The following SH3RF3 variants were observed in gnomAD, a reference collection of about 807,000 sequenced individuals.
SH3RF3 encodes SH3 domain containing ring finger 3.
In SH3RF3, 29 loss-of-function variants were observed where a neutral mutation model predicts 66.3. The observed-to-expected ratio is 0.44, with a 90% CI of 0.33 to 0.60. The LOEUF is 0.60. SH3RF3 is among the 20% of genes least tolerant of loss of function. The pLI, the probability that SH3RF3 is intolerant of heterozygous loss-of-function variation, is 0.04. For missense variants in SH3RF3, 1,194 were observed against 1,190.9 expected, an observed-to-expected ratio of 1.00 and a Z score of -0.04; for synonymous variants, 583 against 532.0, an observed-to-expected ratio of 1.10 and a Z score of -1.32.
At chr2:109,486,047 T>C (rs1678967206) in intron 8 of SH3RF3, among the ~76,000 whole-genome samples, 1 of 152,242 alleles carries the variant, frequency 6.6e-6, no homozygotes, top group Non-Finnish European at 1.5e-5. Context: ...GGGCCCTGCT[T>C]TCAACCCATG....
At chr2:109,336,241 G>T (rs527332081) in intron 1 of SH3RF3, among the ~76,000 whole-genome samples, 34 of 152,332 alleles carry the variant, frequency 2.2e-4, no homozygotes, top group African/African-American at 7.5e-4. Flanking sequence ...TGGGGAAGAG[G>T]TGTCATGCTG....
chr2:109,415,673 C>A (rs536995737), intron 4 of SH3RF3, among the ~76,000 whole-genome samples: 2 of 152,158 alleles, frequency 1.3e-5, no homozygotes, highest in African/African-American at 4.8e-5. Flanking sequence ...AGAACACTCT[C>A]AGGAGGCCCC....
At chr2:109,491,530 C>T (rs145053614) in intron 9 of SH3RF3, among the ~76,000 whole-genome samples, 2,162 of 152,180 alleles carry the variant, frequency 0.014, 49 homozygotes, top group African/African-American at 0.05. Context: ...AGGTTTTTAC[C>T]GATCTGGAAA....
chr2:109,452,619 G>T (rs538626126), intron 8 of SH3RF3, among the ~76,000 whole-genome samples: 16 of 152,288 alleles, frequency 1.1e-4, no homozygotes, highest in African/African-American at 3.6e-4. Context: ...GGAGATTTAC[G>T]CGCCATATCC....
intron 8 of SH3RF3, among the ~76,000 whole-genome samples, chr2:109,450,797 G>A (rs1677845633): frequency 6.6e-6 from 1 of 152,234 alleles, no homozygotes; most frequent in Admixed American, 6.5e-5. Flanking sequence ...GCCACTCTGT[G>A]TATTGGCCTT....
intron 1 of SH3RF3, among the ~76,000 whole-genome samples, chr2:109,145,963 C>T (rs1473738570): frequency 1.3e-5 from 2 of 152,152 alleles, no homozygotes; most frequent in Non-Finnish European, 2.9e-5. Flanking sequence ...TTGCTGTGTA[C>T]CCCTGAGCAA....
chr2:109,489,780 C>G (rs1163879398), intron 8 of SH3RF3, among the ~76,000 whole-genome samples: 2 of 152,112 alleles, frequency 1.3e-5, no homozygotes, highest in Non-Finnish European at 2.9e-5. Context: ...CTCTGTCACC[C>G]AGGCTGGAGT....
intron 2 of SH3RF3, among the ~76,000 whole-genome samples, chr2:109,353,154 G>T (rs927325911): frequency 1.3e-5 from 2 of 152,288 alleles, no homozygotes; most frequent in African/African-American, 4.8e-5. Flanking sequence ...TGCCCACAAG[G>T]CCCCACCTCA....
chr2:109,289,943 G>C lies in SH3RF3; in HGVS notation c.574-57731G>C, dbSNP rs1176062461. On this transcript the variant is annotated intron_variant, in intron 1 of 9. Transcript: ENST00000309415. ...CTAGTTCTTAAATCCAAAGCCTATGGGGCTCTTGGAGTAGCTCAAGGCTTC... is the reference window on the plus strand; with the variant it reads ...CTAGTTCTTAAATCCAAAGCCTATGCGGCTCTTGGAGTAGCTCAAGGCTTC... Among the ~76,000 whole-genome samples the C allele has an allele frequency of 2.6e-5, 4 of 152,244 alleles. No homozygotes were observed. In the East Asian group the frequency reaches 7.7e-4, roughly 29 times the overall value.
At chr2:109,457,523 T>A (rs1364743936) in intron 8 of SH3RF3, among the ~76,000 whole-genome samples, 2 of 152,236 alleles carry the variant, frequency 1.3e-5, no homozygotes, top group Non-Finnish European at 2.9e-5. Flanking sequence ...GAGTAACTAA[T>A]CAGGATTACT....
chr2:109,144,042 G>A (rs375881699), intron 1 of SH3RF3, among the ~76,000 whole-genome samples: 2 of 152,266 alleles, frequency 1.3e-5, no homozygotes, highest in South Asian at 2.1e-4. Context: ...GTTACGAGGC[G>A]CCGGAAGTGT....
rs1471974473 is a variant in SH3RF3, at chr2:109,414,007, T to C, written c.1300-5532T>C. ...TCTAGGTCCTTGGCTTCCTTGGCCATTCCACAGCATGCAGCTCAATGGACA... is the reference window on the plus strand; with the variant it reads ...TCTAGGTCCTTGGCTTCCTTGGCCACTCCACAGCATGCAGCTCAATGGACA... On this transcript the variant is annotated intron_variant, in intron 4 of 9. Coordinates refer to ENST00000309415, the MANE Select transcript of SH3RF3 (RefSeq NM_001099289.3). Among the ~76,000 whole-genome samples the C allele has an allele frequency of 2.6e-5, 4 of 152,364 alleles. No individual in the cohort carries two copies. The East Asian group carries it at 7.7e-4, about 29-fold the overall frequency.
intron 1 of SH3RF3, among the ~76,000 whole-genome samples, chr2:109,158,217 C>T (rs1345186526): frequency 1.3e-5 from 2 of 152,172 alleles, no homozygotes; most frequent in African/African-American, 4.8e-5. Flanking sequence ...CTGGGGAGGA[C>T]ACTGTCCTCA....
intron 1 of SH3RF3, among the ~76,000 whole-genome samples, chr2:109,295,649 CAGGA>C (rs200738552): frequency 0.015 from 2,356 of 152,286 alleles, 48 homozygotes; most frequent in African/African-American, 0.054. Context: ...TGCAGCCCCA[CAGGA>C]CAGGGGCCTG....
rs999301267 is a variant in SH3RF3, at chr2:109,205,299, C to T, written c.573+75186C>T. ...TTTTTTAAACTGAGTCTTGCCATGTCGTCCAGGCTGGAGTGCAGTGGCTCA... is the reference window on the plus strand; with the variant it reads ...TTTTTTAAACTGAGTCTTGCCATGTTGTCCAGGCTGGAGTGCAGTGGCTCA... On this transcript the variant is annotated intron_variant, in intron 1 of 9. Coordinates refer to ENST00000309415, the MANE Select transcript of SH3RF3 (RefSeq NM_001099289.3). Among the ~76,000 whole-genome samples, 7 of 147,610 alleles carry T rather than the reference C, an allele frequency of 4.7e-5. No homozygotes were observed. The East Asian group carries it at 1.4e-3, about 29-fold the overall frequency.
At chr2:109,493,315 ACGTACAC>A (rs1679178771) in intron 9 of SH3RF3, among the ~76,000 whole-genome samples, 1 of 149,738 alleles carries the variant, frequency 6.7e-6, no homozygotes, top group Non-Finnish European at 1.5e-5. Context: ...ATGCAAATAT[ACGTACAC>A]CATACAAACA....
chr2:109,150,473 G>GT (rs879491635), intron 1 of SH3RF3, among the ~76,000 whole-genome samples: 28 of 152,142 alleles, frequency 1.8e-4, no homozygotes, highest in Admixed American at 9.2e-4. Flanking sequence ...TAGAAAAATA[G>GT]TTTTTTTACA....
intron 1 of SH3RF3, among the ~76,000 whole-genome samples, chr2:109,272,492 G>A (rs566153560): frequency 5.3e-4 from 80 of 152,284 alleles, no homozygotes; most frequent in African/African-American, 1.7e-3. Flanking sequence ...AGCCCCCTTC[G>A]CCTCTAACTG....
At chr2:109,441,109 G>A (rs1462552441) in intron 7 of SH3RF3, among the ~76,000 whole-genome samples, 1 of 128,948 alleles carries the variant, frequency 7.8e-6, no homozygotes, top group East Asian at 2.0e-4. Flanking sequence ...CCAGAACAAA[G>A]CTTAAGAATA....
Sources: allele counts gnomAD v4.1 joint callset (sites outside exome capture counted in the v4.1 genomes callset), GRCh38; gene constraint gnomAD v4.1.1; transcripts MANE v1.5; gene names NCBI Gene and HGNC (gene_info 2026-07-23, HGNC 2026-07-21).